Variants in CTNNA2 observed in about 807,000 individuals in gnomAD.
CTNNA2 encodes the protein catenin alpha 2.
A neutral mutation model predicts 101.0 loss-of-function variants in CTNNA2; 42 were observed. That is an observed-to-expected ratio of 0.42 (90% CI 0.32 to 0.54). CTNNA2 has a LOEUF of 0.54. CTNNA2 is among the 20% of genes least tolerant of loss of function. CTNNA2 has a pLI of 0.14. For missense variants in CTNNA2, 871 were observed against 1,223.1 expected (o/e 0.71, Z 4.29); for synonymous variants, 450 against 456.4 (o/e 0.99, Z 0.18).
chr2:79,581,996 A>G (rs1573398529), intron 1 of CTNNA2, among the ~76,000 whole-genome samples: 4 of 152,240 alleles, frequency 2.6e-5, no homozygotes, highest in Admixed American at 2.0e-4. Context: ...CCTGATAACC[A>G]GCATGAGAGA....
chr2:80,187,283 G>A (rs1166486968), intron 7 of CTNNA2, among the ~76,000 whole-genome samples: 1 of 152,212 alleles, frequency 6.6e-6, no homozygotes, highest in African/African-American at 2.4e-5. Context: ...CATCTGTTGT[G>A]TCTGAAAAGT....
At chr2:80,531,495 G>A (rs988482851) in intron 9 of CTNNA2, among the ~76,000 whole-genome samples, 1 of 152,206 alleles carries the variant, frequency 6.6e-6, no homozygotes, top group Non-Finnish European at 1.5e-5. Flanking sequence ...TTCAGGAAGA[G>A]GTTGTTGATG....
chr2:80,136,348 A>C (rs147384823), intron 7 of CTNNA2, among the ~76,000 whole-genome samples: 10 of 152,274 alleles, frequency 6.6e-5, no homozygotes, highest in African/African-American at 2.4e-4. Flanking sequence ...GAGGATTTGG[A>C]TTAGAAGACC....
intron 7 of CTNNA2, among the ~76,000 whole-genome samples, chr2:79,929,005 G>A (rs1159790031): frequency 6.6e-6 from 1 of 152,154 alleles, no homozygotes; most frequent in African/African-American, 2.4e-5. Context: ...CATAGATTAA[G>A]TATCTGTAAA....
intron 4 of CTNNA2, among the ~76,000 whole-genome samples, chr2:79,475,668 A>G (rs1671042747): frequency 8.4e-6 from 1 of 119,234 alleles, no homozygotes; most frequent in South Asian, 2.6e-4. Flanking sequence ...CTTATTTTTC[A>G]TCTTTGAATA....
intron 9 of CTNNA2, among the ~76,000 whole-genome samples, chr2:80,506,143 G>A (rs965752954): frequency 1.3e-5 from 2 of 152,194 alleles, no homozygotes; most frequent in Admixed American, 1.3e-4. Flanking sequence ...GGAAGTTAGC[G>A]TGGAAGCATC....
intron 7 of CTNNA2, among the ~76,000 whole-genome samples, chr2:80,271,983 T>A (rs978916441): frequency 3.3e-5 from 5 of 152,164 alleles, no homozygotes; most frequent in Non-Finnish European, 7.3e-5. Context: ...GCCACCCCGG[T>A]TAGGTTGGAT....
intron 4 of CTNNA2, among the ~76,000 whole-genome samples, chr2:79,424,373 C>G (rs1678570994): frequency 6.6e-6 from 1 of 152,012 alleles, no homozygotes; most frequent in Admixed American, 6.6e-5. Flanking sequence ...TATTCTTTTT[C>G]AAGTATGAGG....
At chr2:79,605,433 G>T (rs1375830605) in intron 1 of CTNNA2, among the ~76,000 whole-genome samples, 1 of 151,508 alleles carries the variant, frequency 6.6e-6, no homozygotes, top group East Asian at 1.9e-4. Flanking sequence ...TAAAACCGGA[G>T]ATCAAAGAAG....
chr2:79,869,861 G>C lies in CTNNA2; in HGVS notation c.511G>C (p.Asp171His). ...EAVKNATNEQ[D>H]LANRFKEFGK... ...TGTCAAAAATGCTACAAATGAGCAA[G>C]ACCTTGCAAACCGTTTTAAAGAGTT... The change falls in exon 5 of 19, where the codon GAC becomes CAC. Residue 171 changes from aspartate (D) to histidine (H), a missense_variant. This residue lies in a region of CTNNA2 where 647 missense variants were observed against 831.5 expected (regional missense o/e 0.78). Coordinates refer to ENST00000402739, the MANE Select transcript of CTNNA2 (RefSeq NM_001282597.3). 6.2e-7 allele frequency: 1 copy of C among 1,614,140 alleles called. No homozygotes were observed. The highest frequency in any genetic ancestry group is 8.5e-7 in the Non-Finnish European group (1 of 1,180,020).
At chr2:79,949,194 A>C (rs1688711252) in intron 7 of CTNNA2, among the ~76,000 whole-genome samples, 1 of 152,154 alleles carries the variant, frequency 6.6e-6, no homozygotes, top group Non-Finnish European at 1.5e-5. Flanking sequence ...TCTCAATAGG[A>C]TAATCACTTA....
In CTNNA2 at chr2:80,128,221, G is replaced by C. The variant is rs139974418; in HGVS notation, c.1056+218424G>C. On this transcript the variant is annotated intron_variant, in intron 7 of 18. Transcript: ENST00000402739. The stretch of plus-strand genomic sequence containing the variant: ...CAATGCAAAGGCCAGAGCCAGTCAG[G>C]CTGTGAAAACCGAAGCCTGGTGCTC... Among the ~76,000 whole-genome samples, 19 of 152,284 alleles carry C rather than the reference G, an allele frequency of 1.2e-4. No individual in the cohort carries two copies. In the East Asian group the frequency reaches 2.5e-3, roughly 20 times the overall value.
At chr2:79,532,417 G>C (rs1672801783) in intron 1 of CTNNA2, among the ~76,000 whole-genome samples, 1 of 151,998 alleles carries the variant, frequency 6.6e-6, no homozygotes, top group East Asian at 1.9e-4. Context: ...TTATAATTGT[G>C]CTATTTTGCT....
intron 2 of CTNNA2, among the ~76,000 whole-genome samples, chr2:79,244,213 A>G (rs953137388): frequency 9.9e-5 from 15 of 151,840 alleles, no homozygotes; most frequent in African/African-American, 2.7e-4. Context: ...TTCTCATTTG[A>G]TCTCTTCCTC....
intron 8 of CTNNA2, among the ~76,000 whole-genome samples, chr2:80,393,520 G>A (rs866893374): frequency 6.6e-6 from 1 of 152,328 alleles, no homozygotes; most frequent in African/African-American, 2.4e-5. Flanking sequence ...TCACTGCCCA[G>A]ATCCAATCTG....
chr2:79,907,434 T>C lies in CTNNA2; in HGVS notation c.853-2160T>C, dbSNP rs145706003. 5.1e-4 allele frequency among the ~76,000 whole-genome samples: 78 copies of C among 152,030 alleles called. 1 individual carries two copies. The highest frequency in any genetic ancestry group is 1.7e-3 in the African/African-American group (72 of 41,444). On this transcript the variant is annotated intron_variant, in intron 6 of 18. Coordinates refer to ENST00000402739, the MANE Select transcript of CTNNA2 (RefSeq NM_001282597.3). ...AGAGAGTATGTGAGAGAAAGAGAGA[T>C]GGTTCCAATGGATGCCCCTGGAAAG... is the stretch of plus-strand genomic sequence containing the variant.
chr2:80,145,948 C>A (rs1288510931), intron 7 of CTNNA2, among the ~76,000 whole-genome samples: 1 of 152,228 alleles, frequency 6.6e-6, no homozygotes, highest in Non-Finnish European at 1.5e-5. Flanking sequence ...TATTTCCCCT[C>A]TTCTGGAGTC....
At chr2:79,649,745 T>C (rs1681087619) in intron 1 of CTNNA2, among the ~76,000 whole-genome samples, 1 of 152,164 alleles carries the variant, frequency 6.6e-6, no homozygotes, top group African/African-American at 2.4e-5. Flanking sequence ...GTCTGTATGG[T>C]TGGATTGCTA....
intron 1 of CTNNA2, among the ~76,000 whole-genome samples, chr2:79,623,711 G>T (rs967224351): frequency 6.6e-6 from 1 of 152,116 alleles, no homozygotes; most frequent in Non-Finnish European, 1.5e-5. Flanking sequence ...ACAAAATTCA[G>T]ATGCATGTGT....
Sources: gnomAD v4.1 joint callset for allele counts (sites outside exome capture counted in the v4.1 genomes callset) on GRCh38, gnomAD v4.1.1 for gene constraint, gnomAD v4.1.1 regional missense constraint, MANE v1.5 for transcripts, NCBI Gene and HGNC (gene_info 2026-07-23, HGNC 2026-07-21) for gene names.